RBX1: variants seen among roughly 807,000 people sequenced by gnomAD.
The protein encoded by RBX1 is ring-box 1, also known as E3 ubiquitin-protein ligase RBX1.
For synonymous variants in RBX1, 48 were observed against 47.9 expected, an observed-to-expected ratio of 1.00 and a Z score of -0.01; for missense variants, 46 against 141.4, an observed-to-expected ratio of 0.33 and a Z score of 3.42.
chr22:40,960,187 A>G (rs1405493679), intron 2 of RBX1, among the ~76,000 whole-genome samples: 1 of 152,178 alleles, frequency 6.6e-6, no homozygotes, highest in African/African-American at 2.4e-5. Context: ...TGCTTGTTCA[A>G]GTACCAAGAG....
At chr22:40,965,740 C>A (rs1443996360) in intron 3 of RBX1, among the ~76,000 whole-genome samples, 3 of 152,200 alleles carry the variant, frequency 2.0e-5, no homozygotes, top group African/African-American at 7.2e-5. Context: ...CCGTGCCCAG[C>A]CCCTACCCGC....
At chr22:40,967,229 A>G (rs894105659) in intron 3 of RBX1, 12 of 152,304 alleles carry the variant, frequency 7.9e-5, no homozygotes, top group African/African-American at 2.7e-4. Flanking sequence ...ATGTCTGTGA[A>G]TAAATCTAGA....
At chr22:40,954,533 A>G (rs958023331) in intron 2 of RBX1, among the ~76,000 whole-genome samples, 45 of 152,334 alleles carry the variant, frequency 3.0e-4, no homozygotes, top group African/African-American at 1.0e-3. Flanking sequence ...TAGAAGGGAC[A>G]AGAATGTTGA....
intron 2 of RBX1, among the ~76,000 whole-genome samples, chr22:40,954,334 GT>G (rs67482133): frequency 0.12 from 18,824 of 151,662 alleles, 2,137 homozygotes; most frequent in African/African-American, 0.3. Flanking sequence ...GGAAAGAAGC[GT>G]TAAGGAGTGA....
At chr22:40,964,233 A>G (rs2146301670) in intron 3 of RBX1, 116 bp downstream of exon 3, 2 of 731,332 alleles carry the variant, frequency 2.7e-6, no homozygotes, top group Non-Finnish European at 4.8e-6. Context: ...TTCTCCCAAA[A>G]GGTATACAAA....
At position 40,973,200 on chromosome 22, in the gene RBX1, G is replaced by A. The variant is rs112260951; in HGVS notation, c.*712G>A. ...TTTTTCCATGGACCGGGGGTGGGGC[G>A]GGGGTGTGCTTGGGGATGGTTTTGG... On this transcript the variant is annotated 3_prime_UTR_variant, in exon 5 of 5. Coordinates refer to ENST00000216225, the MANE Select transcript of RBX1 (RefSeq NM_014248.4). The A allele has an allele frequency of 9.1e-4, 138 of 152,410 alleles. No homozygotes were observed. Among genetic ancestry groups the A allele is most frequent in the Non-Finnish European group, 1.6e-3 (109 of 68,148 alleles). 9.4% of individuals were successfully genotyped at this position (152,410 alleles called of 1,614,324 possible). A position where few individuals can be genotyped will look rare whatever the true frequency, so the allele number is the denominator to read the frequency against.
intron 2 of RBX1, among the ~76,000 whole-genome samples, chr22:40,956,533 G>A (rs2058325900): frequency 6.6e-6 from 1 of 150,416 alleles, no homozygotes; most frequent in Non-Finnish European, 1.5e-5. Flanking sequence ...GTATTTTTAT[G>A]AGAGACAGGG....
At position 40,951,396 on chromosome 22, in the gene RBX1, A is replaced by G; in HGVS notation, c.-3A>G. Reference sequence around the variant, plus strand: ...GTCGGACGACAGACCGTGTGTTTCCAAAATGGCGGCAGCGATGGATGTGGA... The same window carrying G: ...GTCGGACGACAGACCGTGTGTTTCCGAAATGGCGGCAGCGATGGATGTGGA... On this transcript the variant is annotated 5_prime_UTR_variant, in exon 1 of 5. Transcript: ENST00000216225. The G allele has an allele frequency of 6.2e-7, 1 of 1,612,562 alleles. No homozygotes were observed. The highest frequency in any genetic ancestry group is 8.5e-7 in the Non-Finnish European group (1 of 1,179,130).
At chr22:40,963,955 C>A in intron 2 of RBX1, 92 bp from the exon 3 acceptor site, 2 of 890,660 alleles carry the variant, frequency 2.2e-6, no homozygotes, top group Non-Finnish European at 3.8e-6. Context: ...ACAATTATGG[C>A]TAATTAACCA....
At chr22:40,964,980 G>A (rs1159856677) in intron 3 of RBX1, among the ~76,000 whole-genome samples, 5 of 152,134 alleles carry the variant, frequency 3.3e-5, no homozygotes, top group African/African-American at 7.2e-5. Context: ...AACAACTCCC[G>A]GCACATAGTA....
chr22:40,961,729 C>T (rs2058341076), intron 2 of RBX1, among the ~76,000 whole-genome samples: 1 of 151,928 alleles, frequency 6.6e-6, no homozygotes, highest in African/African-American at 2.4e-5. Flanking sequence ...TATCAGTTGG[C>T]AAACCAAGTT....
chr22:40,964,257 T>G (rs934753573), intron 3 of RBX1, 140 bp downstream of exon 3: 1 of 617,114 alleles, frequency 1.6e-6, no homozygotes, highest in Non-Finnish European at 2.9e-6. Flanking sequence ...TAAAAAAGAT[T>G]TTAAATCATA....
intron 2 of RBX1, among the ~76,000 whole-genome samples, chr22:40,958,341 C>T (rs1445938403): frequency 6.7e-6 from 1 of 149,768 alleles, no homozygotes; most frequent in African/African-American, 2.5e-5. Context: ...GGGAAAAGAA[C>T]TTAGCAAGTA....
intron 2 of RBX1, among the ~76,000 whole-genome samples, chr22:40,954,098 G>C (rs1380592612): frequency 1.3e-5 from 2 of 152,076 alleles, no homozygotes; most frequent in Non-Finnish European, 2.9e-5. Flanking sequence ...GTGAAACCCT[G>C]TCTCTACTAA....
intron 2 of RBX1, among the ~76,000 whole-genome samples, chr22:40,961,618 A>G (rs2058340643): frequency 6.6e-6 from 1 of 151,208 alleles, no homozygotes; most frequent in Non-Finnish European, 1.5e-5. Flanking sequence ...GTTAGCCAGG[A>G]TGGGCTCGAT....
chr22:40,962,603 C>T (rs2058343992), intron 2 of RBX1, among the ~76,000 whole-genome samples: 1 of 150,156 alleles, frequency 6.7e-6, no homozygotes, highest in Admixed American at 6.7e-5. Flanking sequence ...TCAAGCAATT[C>T]TTCTGCCTCA....
Position 40,955,623 on chromosome 22 carries a change from C to T in RBX1, c.157+1990C>T, listed in dbSNP as rs1027970544. Among the ~76,000 whole-genome samples, 8 of 152,294 alleles carry T rather than the reference C, an allele frequency of 5.3e-5. No homozygotes were observed. In the South Asian group the frequency reaches 1.4e-3, roughly 28 times the overall value. On this transcript the variant is annotated intron_variant, in intron 2 of 4. Coordinates refer to ENST00000216225, the MANE Select transcript of RBX1 (RefSeq NM_014248.4). Reference sequence around the variant, plus strand: ...TCAGACTAGCCACATTTCAAGTGCTCAGTAGTCACATGTGGTTAATAACTA... The same window carrying T: ...TCAGACTAGCCACATTTCAAGTGCTTAGTAGTCACATGTGGTTAATAACTA...
At position 40,959,549 on chromosome 22, in the gene RBX1, G is replaced by A. The variant is rs566979238; in HGVS notation, c.158-4498G>A. 4.6e-5 allele frequency among the ~76,000 whole-genome samples: 7 copies of A among 152,264 alleles called. 1 individual carries two copies. The South Asian group carries it at 1.2e-3, about 27-fold the overall frequency. The stretch of plus-strand genomic sequence containing the variant: ...AATCTGGCCGGGCTCGGTGGCTCAC[G>A]CCTATAATCCCAGTACTTTGGGAGG... On this transcript the variant is annotated intron_variant, in intron 2 of 4. Transcript: ENST00000216225.
chr22:40,952,677 T>C (rs9623291), intron 1 of RBX1, among the ~76,000 whole-genome samples: 2,720 of 149,872 alleles, frequency 0.018, 77 homozygotes, highest in African/African-American at 0.061. Flanking sequence ...TCTAAACATA[T>C]AAAAGTTGAG....
Sources: allele counts gnomAD v4.1 joint callset (sites outside exome capture counted in the v4.1 genomes callset), GRCh38; gene constraint gnomAD v4.1.1; transcripts MANE v1.5; gene names NCBI Gene and HGNC (gene_info 2026-07-23, HGNC 2026-07-21).